STPG2: variants seen among roughly 807,000 people sequenced by gnomAD.
The protein encoded by STPG2 is sperm tail PG-rich repeat containing 2.
In STPG2, 56 loss-of-function variants were observed where a neutral mutation model predicts 54.2. That is an observed-to-expected ratio of 1.03 (90% confidence interval 0.83 to 1.29). The LOEUF (loss-of-function observed/expected upper bound fraction) is 1.29. Ranked by LOEUF, STPG2 falls within the 50% of genes most tolerant of loss-of-function variation. The probability of loss-of-function intolerance (pLI) is 0.00; values close to 1 mark genes in which losing one functional copy is unlikely to be tolerated. For missense variants in STPG2, 596 were observed against 544.9 expected, an observed-to-expected ratio of 1.09 and a Z score of -0.93; for synonymous variants, 200 against 181.8, an observed-to-expected ratio of 1.10 and a Z score of -0.81.
At position 97,864,347 on chromosome 4, in the gene STPG2, C is replaced by T. The variant is rs1453833565; in HGVS notation, c.1045-23415G>A. On this transcript the variant is annotated intron_variant, in intron 8 of 10. Coordinates refer to ENST00000295268, the MANE Select transcript of STPG2 (RefSeq NM_174952.3). Reference sequence around the variant, plus strand: ...AGTGAACTCCCATTCACAATTACTTCAAAGAGAATAAAATACCTAGGAATC... The same window carrying T: ...AGTGAACTCCCATTCACAATTACTTTAAAGAGAATAAAATACCTAGGAATC... Among the ~76,000 whole-genome samples the T allele has an allele frequency of 2.0e-5, 3 of 152,074 alleles. No homozygotes were observed. The East Asian group carries it at 5.8e-4, about 29-fold the overall frequency.
intron 10 of STPG2, among the ~76,000 whole-genome samples, chr4:97,603,498 A>T (rs1373984028): frequency 6.6e-6 from 1 of 151,644 alleles, no homozygotes; most frequent in African/African-American, 2.4e-5. Context: ...GGGTCTCAAA[A>T]AGATAGCTGT....
chr4:98,110,059 T>C (rs1245521137), intron 3 of STPG2, among the ~76,000 whole-genome samples: 1 of 152,156 alleles, frequency 6.6e-6, no homozygotes, highest in Non-Finnish European at 1.5e-5. Context: ...TTTAAGAATA[T>C]TTTAAAACAT....
chr4:97,820,998 A>G (rs886758527), intron 9 of STPG2, among the ~76,000 whole-genome samples: 1 of 152,118 alleles, frequency 6.6e-6, no homozygotes, highest in Non-Finnish European at 1.5e-5. Context: ...GCAAATTACA[A>G]TCATGCTTTC....
chr4:98,107,931 A>G (rs1739234061), intron 4 of STPG2, among the ~76,000 whole-genome samples: 2 of 152,138 alleles, frequency 1.3e-5, no homozygotes, highest in Non-Finnish European at 2.9e-5. Context: ...TAATAATAAT[A>G]TTAAGTAAAG....
At chr4:97,451,391 G>A (rs1729360159) in intron 4 of STPG2, among the ~76,000 whole-genome samples, 1 of 152,052 alleles carries the variant, frequency 6.6e-6, no homozygotes, top group Non-Finnish European at 1.5e-5. Flanking sequence ...GAAGGGAAAA[G>A]GAGGGGAGAA....
chr4:97,472,237 G>C (rs1180049697), intron 4 of STPG2, among the ~76,000 whole-genome samples: 1 of 152,224 alleles, frequency 6.6e-6, no homozygotes, highest in Non-Finnish European at 1.5e-5. Context: ...GGGAACCAGT[G>C]TTATGGTAGG....
intron 4 of STPG2, among the ~76,000 whole-genome samples, chr4:97,527,221 C>T (rs1578363174): frequency 1.3e-5 from 2 of 152,080 alleles, no homozygotes; most frequent in African/African-American, 4.8e-5. Context: ...CATTGTTCAA[C>T]TCCCACTTAT....
At chr4:97,841,826 A>G (rs1033617061) in intron 8 of STPG2, among the ~76,000 whole-genome samples, 8 of 151,806 alleles carry the variant, frequency 5.3e-5, no homozygotes, top group African/African-American at 1.9e-4. Context: ...AAATGATAGT[A>G]CTTATTTTAT....
At chr4:98,094,054 G>C (rs1738771874) in intron 5 of STPG2, among the ~76,000 whole-genome samples, 1 of 152,164 alleles carries the variant, frequency 6.6e-6, no homozygotes, top group Non-Finnish European at 1.5e-5. Flanking sequence ...GATAGCACAG[G>C]ACCTAGGGAG....
At chr4:98,067,213 A>G (rs1171336498) in intron 5 of STPG2, among the ~76,000 whole-genome samples, 1 of 152,196 alleles carries the variant, frequency 6.6e-6, no homozygotes, top group Non-Finnish European at 1.5e-5. Context: ...ATATGTGGTT[A>G]TTAGAGAGAG....
At chr4:98,028,275 T>G (rs1450052432) in intron 5 of STPG2, among the ~76,000 whole-genome samples, 1 of 152,220 alleles carries the variant, frequency 6.6e-6, no homozygotes, top group Non-Finnish European at 1.5e-5. Context: ...CCTGGTTTCT[T>G]TTGGCTTAAC....
chr4:98,043,661 C>G (rs1263470301), intron 5 of STPG2, among the ~76,000 whole-genome samples: 1 of 152,050 alleles, frequency 6.6e-6, no homozygotes, highest in African/African-American at 2.4e-5. Context: ...TATGCATTAA[C>G]ATACTTTAGT....
chr4:97,600,123 A>G (rs2148905681), intron 10 of STPG2, among the ~76,000 whole-genome samples: 1 of 152,252 alleles, frequency 6.6e-6, no homozygotes, highest in South Asian at 2.1e-4. Context: ...GGATCAAAAA[A>G]CTGTCTATCA....
At chr4:97,598,588 G>C (rs1040810070) in intron 10 of STPG2, among the ~76,000 whole-genome samples, 2 of 150,926 alleles carry the variant, frequency 1.3e-5, no homozygotes, top group East Asian at 1.9e-4. Context: ...TAGAACAATG[G>C]AACAGGGTAG....
intron 10 of STPG2, among the ~76,000 whole-genome samples, chr4:97,616,036 C>CG (rs111910700): frequency 1.4e-5 from 1 of 69,516 alleles, no homozygotes; most frequent in Non-Finnish European, 2.5e-5. Context: ...GACTCTGTCT[C>CG]AAAAAAAAAA....
chr4:98,133,517 C>T (rs1479952448), intron 2 of STPG2, among the ~76,000 whole-genome samples: 2 of 151,972 alleles, frequency 1.3e-5, no homozygotes, highest in African/African-American at 2.4e-5. Context: ...CAATTCACTA[C>T]TTGATTACTA....
chr4:97,974,793 C>A (rs866362680), intron 6 of STPG2, among the ~76,000 whole-genome samples: 2 of 152,120 alleles, frequency 1.3e-5, no homozygotes, highest in African/African-American at 4.8e-5. Context: ...TGTAAATTGC[C>A]CAGTCTCGGG....
chr4:97,934,995 T>C (rs1289068700), intron 8 of STPG2, among the ~76,000 whole-genome samples: 1 of 152,202 alleles, frequency 6.6e-6, no homozygotes, highest in East Asian at 1.9e-4. Flanking sequence ...CTGGGCGTTT[T>C]TTGGTTGATA....
At chr4:97,868,136 T>C (rs1729859002) in intron 8 of STPG2, among the ~76,000 whole-genome samples, 1 of 151,972 alleles carries the variant, frequency 6.6e-6, no homozygotes, top group Admixed American at 6.6e-5. Flanking sequence ...TCCCTGTTCG[T>C]TTTTCATAGT....
Sources: allele counts gnomAD v4.1 joint callset (sites outside exome capture counted in the v4.1 genomes callset), GRCh38; gene constraint gnomAD v4.1.1; transcripts MANE v1.5; gene names NCBI Gene and HGNC (gene_info 2026-07-23, HGNC 2026-07-21).